The following KALRN variants were observed in gnomAD, a reference collection of about 807,000 sequenced individuals.
KALRN encodes the protein kalirin.
Under a neutral mutation model 353.7 loss-of-function variants are expected in KALRN, and 70 were observed. That is an observed-to-expected ratio of 0.20 (90% CI 0.16 to 0.24). The LOEUF (loss-of-function observed/expected upper bound fraction) is 0.24, where lower values mean the gene tolerates loss of function less well. Among genes scored for constraint, KALRN ranks in the 10% least tolerant of loss-of-function variants. The pLI is 1.00. For missense variants in KALRN, 2,791 were observed against 3,756.7 expected (o/e 0.74, Z 6.72); for synonymous variants, 1,391 against 1,434.8 (o/e 0.97, Z 0.69).
At chr3:124,461,606 T>C (rs2059868906) in intron 23 of KALRN, among the ~76,000 whole-genome samples, 1 of 151,976 alleles carries the variant, frequency 6.6e-6, no homozygotes, top group South Asian at 2.1e-4. Flanking sequence ...GAATCACAAG[T>C]ATTAATAGTA....
intron 25 of KALRN, among the ~76,000 whole-genome samples, chr3:124,470,910 CA>C (rs755907917): frequency 6.6e-6 from 1 of 151,620 alleles, no homozygotes; most frequent in Non-Finnish European, 1.5e-5. Flanking sequence ...AGTTCTTCAG[CA>C]AAAAAAACCA....
chr3:124,688,343 A>T (rs1457411048), intron 51 of KALRN, among the ~76,000 whole-genome samples: 1 of 151,768 alleles, frequency 6.6e-6, no homozygotes, highest in Non-Finnish European at 1.5e-5. Context: ...AGAGGTAGGA[A>T]TATTTTCTAA....
At chr3:124,149,165 C>T (rs1167661770) in intron 1 of KALRN, among the ~76,000 whole-genome samples, 6 of 152,178 alleles carry the variant, frequency 3.9e-5, no homozygotes, top group Non-Finnish European at 8.8e-5. Context: ...TTACTATTGG[C>T]GGCATGCAAC....
chr3:124,549,817 C>T (rs553628080), intron 33 of KALRN, among the ~76,000 whole-genome samples: 28 of 152,110 alleles, frequency 1.8e-4, no homozygotes, highest in African/African-American at 6.7e-4. Context: ...AAAAGGGAAA[C>T]AATTGAGATG....
intron 33 of KALRN, among the ~76,000 whole-genome samples, chr3:124,499,566 TTTA>T (rs2064278358): frequency 6.6e-6 from 1 of 152,188 alleles, no homozygotes; most frequent in Non-Finnish European, 1.5e-5. Flanking sequence ...GGTTTTATTG[TTTA>T]TTAACTGTCA....
intron 25 of KALRN, among the ~76,000 whole-genome samples, chr3:124,467,830 T>C (rs1467877660): frequency 6.6e-6 from 1 of 151,786 alleles, no homozygotes. Context: ...GCTAGGTGGA[T>C]AGAGGATAAG....
chr3:124,048,667 T>A (rs1247542343), intron 1 of KALRN, among the ~76,000 whole-genome samples: 1 of 152,130 alleles, frequency 6.6e-6, no homozygotes, highest in Non-Finnish European at 1.5e-5. Context: ...GTATTTTTAG[T>A]AGAGACGGGG....
chr3:124,325,787 C>G (rs2079837943), intron 6 of KALRN, among the ~76,000 whole-genome samples, 193 bp from the exon 7 acceptor site: 1 of 152,188 alleles, frequency 6.6e-6, no homozygotes. Context: ...TGAAAGTTCC[C>G]TGCTATCTAC....
At chr3:124,513,572 G>T (rs2066193729) in intron 33 of KALRN, among the ~76,000 whole-genome samples, 2 of 152,192 alleles carry the variant, frequency 1.3e-5, no homozygotes, top group African/African-American at 4.8e-5. Flanking sequence ...AGGACAGAGG[G>T]AAGGTTTTCT....
intron 1 of KALRN, among the ~76,000 whole-genome samples, chr3:124,227,663 G>GTTTTTTTTTTTTTTTTTTTTTTTT (rs747087120): frequency 1.4e-5 from 1 of 69,228 alleles, no homozygotes. Flanking sequence ...CAACAGGGCT[G>GTTTTTTTTTTTTTTTTTTTTTTTT]TTTTTTTTTT....
intron 25 of KALRN, among the ~76,000 whole-genome samples, chr3:124,473,058 ATTG>A (rs1320787346): frequency 6.6e-6 from 1 of 152,238 alleles, no homozygotes; most frequent in Non-Finnish European, 1.5e-5. Flanking sequence ...CCCATCAATT[ATTG>A]TTAGCATTTT....
chr3:124,535,843 T>A (rs1164578304), intron 33 of KALRN, among the ~76,000 whole-genome samples: 1 of 152,104 alleles, frequency 6.6e-6, no homozygotes, highest in Non-Finnish European at 1.5e-5. Flanking sequence ...GTAAAGAAGA[T>A]CCACAAAGTC....
At chr3:124,465,467 T>C (rs1561030807) in intron 25 of KALRN, among the ~76,000 whole-genome samples, 1 of 152,214 alleles carries the variant, frequency 6.6e-6, no homozygotes, top group Non-Finnish European at 1.5e-5. Flanking sequence ...TTTAATCTTT[T>C]GTTTGTAAAA....
At chr3:124,564,293 G>A (rs1224214153) in intron 34 of KALRN, among the ~76,000 whole-genome samples, 2 of 152,036 alleles carry the variant, frequency 1.3e-5, no homozygotes, top group Non-Finnish European at 2.9e-5. Context: ...TGAGGCAGGA[G>A]GATCACTTGA....
chr3:124,053,293 G>T (rs189669208), intron 1 of KALRN, among the ~76,000 whole-genome samples: 2 of 152,280 alleles, frequency 1.3e-5, no homozygotes, highest in Admixed American at 1.3e-4. Flanking sequence ...GGGATAATAT[G>T]GCATTGGAAG....
chr3:124,280,075 A>G (rs1425958332), intron 5 of KALRN, among the ~76,000 whole-genome samples: 1 of 152,202 alleles, frequency 6.6e-6, no homozygotes. Flanking sequence ...CCATGGAATA[A>G]CCAGTGGACC....
intron 1 of KALRN, among the ~76,000 whole-genome samples, chr3:124,113,850 G>A (rs9811597): frequency 0.043 from 6,519 of 152,310 alleles, 154 homozygotes; most frequent in Middle Eastern, 0.068. Flanking sequence ...ATTAGAAGGC[G>A]TCAGCATCGA....
intron 34 of KALRN, among the ~76,000 whole-genome samples, chr3:124,573,896 C>T (rs1170305998): frequency 6.6e-6 from 1 of 152,168 alleles, no homozygotes; most frequent in African/African-American, 2.4e-5. Context: ...TCAAGTTTTT[C>T]CTTGGCTTGT....
intron 15 of KALRN, among the ~76,000 whole-genome samples, chr3:124,429,808 A>G (rs1344446753): frequency 6.6e-6 from 1 of 152,214 alleles, no homozygotes; most frequent in Admixed American, 6.5e-5. Flanking sequence ...AGTCAATTAT[A>G]TTATAGCTTA....
Sources: gnomAD v4.1 joint callset for allele counts (sites outside exome capture counted in the v4.1 genomes callset) on GRCh38, gnomAD v4.1.1 for gene constraint, MANE v1.5 for transcripts, NCBI Gene and HGNC (gene_info 2026-07-23, HGNC 2026-07-21) for gene names.